The following DPP10 variants were observed in gnomAD, a reference collection of about 807,000 sequenced individuals.
The protein encoded by DPP10 is dipeptidyl peptidase like 10, also known as inactive dipeptidyl peptidase 10.
Under a neutral mutation model 120.9 loss-of-function variants are expected in DPP10, and 33 were observed. That is an observed-to-expected ratio of 0.27 (90% CI 0.21 to 0.37). The LOEUF (loss-of-function observed/expected upper bound fraction) is 0.37. Among genes scored for constraint, DPP10 ranks in the 10% least tolerant of loss-of-function variants. DPP10 has a pLI of 1.00. For synonymous variants in DPP10, 337 were observed against 326.1 expected (o/e 1.03, Z -0.36); for missense variants, 816 against 942.8 (o/e 0.87, Z 1.76).
chr2:114,924,829 C>T (rs1237230241), intron 1 of DPP10, among the ~76,000 whole-genome samples: 1 of 152,126 alleles, frequency 6.6e-6, no homozygotes, highest in East Asian at 1.9e-4. Flanking sequence ...AAAAAACTCA[C>T]AGCATTTACA....
intron 5 of DPP10, among the ~76,000 whole-genome samples, chr2:115,604,523 T>C (rs6542274): frequency 0.99 from 150,471 of 152,270 alleles, 74,374 homozygotes; most frequent in East Asian, 1. Context: ...TTAGCCACCA[T>C]AGTTCTGTTC....
chr2:115,555,962 A>G (rs964770992), intron 5 of DPP10, among the ~76,000 whole-genome samples: 2 of 152,114 alleles, frequency 1.3e-5, no homozygotes, highest in African/African-American at 4.8e-5. Flanking sequence ...GCAAGCAAAT[A>G]GATTTATTTC....
chr2:114,924,933 T>C (rs551753257), intron 1 of DPP10, among the ~76,000 whole-genome samples: 4 of 152,260 alleles, frequency 2.6e-5, no homozygotes, highest in South Asian at 2.1e-4. Flanking sequence ...ATAGGTTGGC[T>C]GGGCACGGTG....
intron 1 of DPP10, among the ~76,000 whole-genome samples, chr2:115,045,156 A>G (rs1704965819): frequency 6.6e-6 from 1 of 152,180 alleles, no homozygotes; most frequent in Non-Finnish European, 1.5e-5. Context: ...GCTGGATTAT[A>G]TAGTAGTTCT....
intron 5 of DPP10, among the ~76,000 whole-genome samples, chr2:115,614,416 G>T (rs901351780): frequency 1.3e-5 from 2 of 151,888 alleles, no homozygotes; most frequent in African/African-American, 4.8e-5. Context: ...TTTTATAGGG[G>T]AAGGAATTTT....
At chr2:115,713,187 G>A (rs1252581233) in intron 7 of DPP10, among the ~76,000 whole-genome samples, 3 of 152,120 alleles carry the variant, frequency 2.0e-5, no homozygotes, top group Non-Finnish European at 4.4e-5. Context: ...ATCTTGAGGT[G>A]TGAGTTGATA....
chr2:115,836,072 T>G, intron 21 of DPP10, 85 bp from the exon 22 acceptor site: 1 of 669,030 alleles, frequency 1.5e-6, no homozygotes, highest in Non-Finnish European at 2.2e-6. Context: ...CCAGGCATAG[T>G]TGTTATATAT....
chr2:114,905,549 G>T (rs1350077095), intron 1 of DPP10, among the ~76,000 whole-genome samples: 1 of 152,014 alleles, frequency 6.6e-6, no homozygotes, highest in African/African-American at 2.4e-5. Flanking sequence ...TGTCATGGGG[G>T]TTTGTTATAC....
intron 5 of DPP10, among the ~76,000 whole-genome samples, chr2:115,599,717 G>A (rs895331967): frequency 4.6e-5 from 7 of 152,072 alleles, no homozygotes; most frequent in Non-Finnish European, 2.9e-5. Flanking sequence ...ATTGCATCCT[G>A]GATATCGTGA....
At chr2:115,031,499 C>A (rs1052855711) in intron 1 of DPP10, among the ~76,000 whole-genome samples, 5 of 152,252 alleles carry the variant, frequency 3.3e-5, no homozygotes, top group African/African-American at 1.2e-4. Context: ...ATTCCTAGAT[C>A]ATTGAATCAC....
chr2:114,916,674 G>T (rs758679414), intron 1 of DPP10, among the ~76,000 whole-genome samples: 1 of 152,138 alleles, frequency 6.6e-6, no homozygotes, highest in Admixed American at 6.5e-5. Flanking sequence ...TTCAACATAT[G>T]CAAATAAATA....
chr2:114,917,480 A>C (rs2106636070), intron 1 of DPP10, among the ~76,000 whole-genome samples: 1 of 152,216 alleles, frequency 6.6e-6, no homozygotes, highest in South Asian at 2.1e-4. Flanking sequence ...TAAAACTGAA[A>C]CCAAAAAAGG....
chr2:114,734,145 T>C (rs1157764844), intron 1 of DPP10, among the ~76,000 whole-genome samples: 2 of 152,208 alleles, frequency 1.3e-5, no homozygotes, highest in African/African-American at 4.8e-5. Context: ...TGCCATACCT[T>C]GAAATTGGCC....
chr2:115,448,990 C>A (rs561353031), intron 3 of DPP10, among the ~76,000 whole-genome samples: 1 of 152,082 alleles, frequency 6.6e-6, no homozygotes, highest in South Asian at 2.1e-4. Flanking sequence ...ATAGAAGACA[C>A]TCAATAAATA....
chr2:115,380,188 A>G (rs887477772), intron 3 of DPP10, among the ~76,000 whole-genome samples: 1 of 152,130 alleles, frequency 6.6e-6, no homozygotes, highest in African/African-American at 2.4e-5. Context: ...TGGGAGTCTA[A>G]GTCTCTTTGT....
intron 10 of DPP10, among the ~76,000 whole-genome samples, chr2:115,752,180 T>C (rs1414212793): frequency 6.6e-6 from 1 of 152,182 alleles, no homozygotes; most frequent in South Asian, 2.1e-4. Context: ...TGAGATCAGA[T>C]GAGATTGGGC....
At chr2:115,032,619 T>G (rs930622179) in intron 1 of DPP10, among the ~76,000 whole-genome samples, 4 of 151,760 alleles carry the variant, frequency 2.6e-5, no homozygotes, top group Admixed American at 2.0e-4. Context: ...GGTGGCTCAC[T>G]CCTGTAATCC....
intron 3 of DPP10, among the ~76,000 whole-genome samples, chr2:115,461,404 G>T (rs942808369): frequency 7.2e-5 from 11 of 152,082 alleles, no homozygotes; most frequent in Non-Finnish European, 1.5e-4. Flanking sequence ...TTGGTCAAAA[G>T]GTGCAGTTTC....
At chr2:114,477,858 T>C (rs951489626) in intron 1 of DPP10, among the ~76,000 whole-genome samples, 21 of 150,894 alleles carry the variant, frequency 1.4e-4, no homozygotes, top group African/African-American at 4.9e-4. Context: ...TGTATAAATA[T>C]ATGTATATAT....
Sources: allele counts gnomAD v4.1 joint callset (sites outside exome capture counted in the v4.1 genomes callset), GRCh38; gene constraint gnomAD v4.1.1; transcripts MANE v1.5; gene names NCBI Gene and HGNC (gene_info 2026-07-23, HGNC 2026-07-21).